ERC2: variants seen among roughly 807,000 people sequenced by gnomAD.
ERC2 encodes the protein ERC protein 2.
Under a neutral mutation model 114.8 loss-of-function variants are expected in ERC2, and 42 were observed. The ratio of observed to expected loss-of-function variants is 0.37; its 90% CI spans 0.29 to 0.47. The LOEUF (loss-of-function observed/expected upper bound fraction) is 0.47. Among genes scored for constraint, ERC2 ranks in the 20% least tolerant of loss-of-function variants. ERC2 has a pLI of 0.99. For synonymous variants in ERC2, 454 were observed against 425.5 expected, an observed-to-expected ratio of 1.07 and a Z score of -0.82; for missense variants, 939 against 1,150.7, an observed-to-expected ratio of 0.82 and a Z score of 2.66.
intron 17 of ERC2, among the ~76,000 whole-genome samples, chr3:55,541,721 G>T (rs1232778708): frequency 1.3e-5 from 2 of 152,200 alleles, no homozygotes; most frequent in African/African-American, 4.8e-5. Context: ...GTGAGGCTAA[G>T]TGTCTACACA....
chr3:55,925,592 C>G (rs1001844679), intron 13 of ERC2, among the ~76,000 whole-genome samples: 2 of 152,070 alleles, frequency 1.3e-5, no homozygotes, highest in Non-Finnish European at 2.9e-5. Flanking sequence ...GGACCATGTC[C>G]CTGTGAAGCC....
chr3:55,808,931 ATT>A (rs2059608587), intron 14 of ERC2, among the ~76,000 whole-genome samples: 2 of 151,444 alleles, frequency 1.3e-5, no homozygotes, highest in South Asian at 4.2e-4. Flanking sequence ...CCTCCAGAAT[ATT>A]GATTTATTTA....
intron 17 of ERC2, among the ~76,000 whole-genome samples, chr3:55,625,302 G>A (rs1452925713): frequency 6.7e-6 from 1 of 149,342 alleles, no homozygotes; most frequent in South Asian, 2.1e-4. Flanking sequence ...GAGAGGCAGA[G>A]GTTGCTGTGA....
intron 17 of ERC2, among the ~76,000 whole-genome samples, chr3:55,676,405 T>G (rs575518978): frequency 8.6e-4 from 131 of 151,476 alleles, no homozygotes; most frequent in African/African-American, 3.0e-3. Flanking sequence ...TAGCAGACTT[T>G]TGGGCTGGCT....
chr3:55,522,283 T>C (rs899218423), intron 17 of ERC2, among the ~76,000 whole-genome samples: 1 of 152,136 alleles, frequency 6.6e-6, no homozygotes, highest in Non-Finnish European at 1.5e-5. Flanking sequence ...TCAGGCCTTT[T>C]AACGATATGC....
intron 16 of ERC2, among the ~76,000 whole-genome samples, chr3:55,685,606 G>A (rs1043714344): frequency 1.3e-5 from 2 of 152,062 alleles, no homozygotes; most frequent in African/African-American, 4.8e-5. Flanking sequence ...GTTTCAAGGG[G>A]CCTAGCAACC....
intron 2 of ERC2, among the ~76,000 whole-genome samples, chr3:56,347,482 G>A (rs1189729844): frequency 1.3e-5 from 2 of 151,872 alleles, no homozygotes; most frequent in Non-Finnish European, 2.9e-5. Context: ...CCCTGTGAGC[G>A]TGACCCAGCC....
At chr3:56,044,088 C>T (rs1483672477) in intron 7 of ERC2, among the ~76,000 whole-genome samples, 1 of 152,152 alleles carries the variant, frequency 6.6e-6, no homozygotes, top group Non-Finnish European at 1.5e-5. Context: ...AGTAAAATTA[C>T]TTTCATTATC....
chr3:55,865,447 C>G (rs980747430), intron 14 of ERC2, among the ~76,000 whole-genome samples: 1 of 152,118 alleles, frequency 6.6e-6, no homozygotes, highest in African/African-American at 2.4e-5. Context: ...GCAGAGACCC[C>G]CTTTAATAAA....
intron 6 of ERC2, among the ~76,000 whole-genome samples, chr3:56,136,100 C>T (rs900457448): frequency 3.9e-5 from 6 of 152,164 alleles, no homozygotes; most frequent in African/African-American, 1.2e-4. Context: ...AACAAACCAA[C>T]CAAAGAGCCA....
At chr3:56,420,853 C>A (rs1226278136) in intron 2 of ERC2, among the ~76,000 whole-genome samples, 1 of 151,200 alleles carries the variant, frequency 6.6e-6, no homozygotes, top group African/African-American at 2.4e-5. Context: ...GCTGAGATCG[C>A]CCCACCGCAC....
intron 14 of ERC2, among the ~76,000 whole-genome samples, chr3:55,783,097 C>T (rs1311284634): frequency 6.6e-6 from 1 of 152,214 alleles, no homozygotes; most frequent in Non-Finnish European, 1.5e-5. Context: ...ATTTCACCCA[C>T]ATCATCTAAT....
chr3:56,432,900 C>A (rs1033880949), intron 2 of ERC2, among the ~76,000 whole-genome samples: 8 of 152,124 alleles, frequency 5.3e-5, no homozygotes, highest in African/African-American at 1.7e-4. Context: ...CTATAAGCAC[C>A]AATTAGAGAT....
chr3:55,550,044 T>C (rs888303185), intron 17 of ERC2, among the ~76,000 whole-genome samples: 2 of 152,048 alleles, frequency 1.3e-5, no homozygotes, highest in Non-Finnish European at 2.9e-5. Flanking sequence ...ACCATACTCT[T>C]TGACAGGACT....
chr3:56,093,518 C>G (rs1489800183), intron 6 of ERC2, among the ~76,000 whole-genome samples: 2 of 152,180 alleles, frequency 1.3e-5, no homozygotes, highest in Non-Finnish European at 1.5e-5. Flanking sequence ...CTTCACACAA[C>G]ATACCACTAG....
At chr3:56,286,439 AG>A (rs1259341622) in intron 3 of ERC2, among the ~76,000 whole-genome samples, 10 of 145,510 alleles carry the variant, frequency 6.9e-5, no homozygotes, top group African/African-American at 2.6e-4. Flanking sequence ...AAAAAAAAAA[AG>A]GCAGAAAAAA....
chr3:55,584,417 T>A (rs773479962), intron 17 of ERC2, among the ~76,000 whole-genome samples: 7 of 152,192 alleles, frequency 4.6e-5, no homozygotes, highest in Admixed American at 6.5e-5. Flanking sequence ...CTACTAGTTG[T>A]CCATGCCAGG....
intron 15 of ERC2, among the ~76,000 whole-genome samples, chr3:55,704,545 G>A (rs2643619): frequency 0.54 from 81,702 of 152,052 alleles, 23,010 homozygotes; most frequent in South Asian, 0.73. Flanking sequence ...CACCTAATCA[G>A]AGCAAGGTGA....
intron 3 of ERC2, among the ~76,000 whole-genome samples, chr3:56,216,110 A>C (rs1387355989): frequency 6.6e-6 from 1 of 152,214 alleles, no homozygotes; most frequent in Non-Finnish European, 1.5e-5. Flanking sequence ...AATCACATTC[A>C]AAAGCTAGCA....
Sources: gnomAD v4.1 joint callset for allele counts (sites outside exome capture counted in the v4.1 genomes callset) on GRCh38, gnomAD v4.1.1 for gene constraint, MANE v1.5 for transcripts, NCBI Gene and HGNC (gene_info 2026-07-23, HGNC 2026-07-21) for gene names.